The following PTPRD variants were observed in gnomAD, a reference collection of about 807,000 sequenced individuals.
The protein encoded by PTPRD is protein tyrosine phosphatase receptor type D.
In PTPRD, 34 loss-of-function variants were observed where a neutral mutation model predicts 214.5. The ratio of observed to expected loss-of-function variants is 0.16; its 90% confidence interval spans 0.12 to 0.21. The LOEUF (loss-of-function observed/expected upper bound fraction) is 0.21. Among genes scored for constraint, PTPRD ranks in the 10% least tolerant of loss-of-function variants. The pLI, the probability that PTPRD is intolerant of heterozygous loss-of-function variation, is 1.00. For missense variants in PTPRD, 2,545 were observed against 2,398.7 expected (o/e 1.06, Z -1.27); for synonymous variants, 1,128 against 845.7 (o/e 1.33, Z -5.79).
intron 6 of PTPRD, among the ~76,000 whole-genome samples, chr9:9,765,392 A>G (rs1463801620): frequency 6.6e-6 from 1 of 152,172 alleles, no homozygotes; most frequent in Non-Finnish European, 1.5e-5. Context: ...GATAGTATAT[A>G]TGCCTACATT....
At chr9:8,691,550 C>G (rs759471046) in intron 12 of PTPRD, among the ~76,000 whole-genome samples, 4 of 152,126 alleles carry the variant, frequency 2.6e-5, no homozygotes, top group African/African-American at 4.8e-5. Flanking sequence ...TGAAATTTCA[C>G]AAGTCTTTTG....
intron 14 of PTPRD, among the ~76,000 whole-genome samples, chr9:8,577,240 T>C (rs950452765): frequency 1.5e-5 from 1 of 64,876 alleles, no homozygotes; most frequent in African/African-American, 8.6e-5. Flanking sequence ...TTTTTATTTG[T>C]TTGTTTGTTT....
chr9:8,835,310 T>C (rs1248076978), intron 11 of PTPRD, among the ~76,000 whole-genome samples: 1 of 152,188 alleles, frequency 6.6e-6, no homozygotes, highest in Non-Finnish European at 1.5e-5. Context: ...TGGTAGTCTC[T>C]ACAAACACAG....
chr9:9,980,472 G>C (rs1410776709), intron 4 of PTPRD, among the ~76,000 whole-genome samples: 3 of 151,692 alleles, frequency 2.0e-5, no homozygotes, highest in Non-Finnish European at 4.4e-5. Context: ...GCCGGGCATA[G>C]TGGTACATGC....
At chr9:10,098,061 C>T (rs1467325370) in intron 3 of PTPRD, among the ~76,000 whole-genome samples, 3 of 151,648 alleles carry the variant, frequency 2.0e-5, no homozygotes, top group South Asian at 2.1e-4. Flanking sequence ...TATTGCGGCA[C>T]TATTCACAAT....
chr9:9,916,698 G>A (rs948413658), intron 5 of PTPRD, among the ~76,000 whole-genome samples: 1 of 151,864 alleles, frequency 6.6e-6, no homozygotes, highest in Non-Finnish European at 1.5e-5. Flanking sequence ...GAAAAACAAA[G>A]AAACATCAGA....
At chr9:8,450,118 G>C (rs894913326) in intron 33 of PTPRD, among the ~76,000 whole-genome samples, 1 of 152,106 alleles carries the variant, frequency 6.6e-6, no homozygotes, top group Non-Finnish European at 1.5e-5. Context: ...AGGGATCTTG[G>C]TGAGATACGC....
intron 11 of PTPRD, among the ~76,000 whole-genome samples, chr9:8,932,168 C>T (rs1251947685): frequency 1.3e-5 from 2 of 152,076 alleles, no homozygotes; most frequent in East Asian, 1.9e-4. Flanking sequence ...TTCAGTTCTG[C>T]TCTGATCTTA....
At chr9:9,141,151 A>C (rs1437059250) in intron 10 of PTPRD, among the ~76,000 whole-genome samples, 160 of 105,564 alleles carry the variant, frequency 1.5e-3, no homozygotes, top group Middle Eastern at 5.2e-3. Context: ...CTTCTCTCCC[A>C]TCCTCCCCTC....
chr9:9,240,124 G>A lies in PTPRD; in HGVS notation c.-202-56761C>T, dbSNP rs185830126. 9.2e-5 allele frequency among the ~76,000 whole-genome samples: 14 copies of A among 152,140 alleles called. No individual in the cohort carries two copies. The East Asian group carries it at 1.9e-3, about 21-fold the overall frequency. ...TCAATAAGATATAAGTGGAATAAAA[G>A]TTTGTAAGTAAACTTTTCAATAATA... On this transcript the variant is annotated intron_variant, in intron 9 of 45. Transcript: ENST00000381196.
intron 11 of PTPRD, among the ~76,000 whole-genome samples, chr9:8,774,398 C>T (rs1323213091): frequency 1.3e-5 from 2 of 151,870 alleles, no homozygotes; most frequent in African/African-American, 2.4e-5. Context: ...TTAGAGATTA[C>T]AGGAGAGAGC....
chr9:10,306,594 C>T (rs1478752205), intron 3 of PTPRD, among the ~76,000 whole-genome samples: 1 of 151,854 alleles, frequency 6.6e-6, no homozygotes, highest in Non-Finnish European at 1.5e-5. Context: ...GTTTAAGTTC[C>T]CCAAGCAGTT....
chr9:9,680,762 G>A (rs1349158429), intron 7 of PTPRD, among the ~76,000 whole-genome samples: 1 of 150,314 alleles, frequency 6.7e-6, no homozygotes, highest in Non-Finnish European at 1.5e-5. Flanking sequence ...AACTAACAGA[G>A]GAAGAGGAGA....
chr9:8,354,315 A>G (rs1451013478), intron 39 of PTPRD, among the ~76,000 whole-genome samples: 3 of 152,154 alleles, frequency 2.0e-5, no homozygotes, highest in Non-Finnish European at 4.4e-5. Context: ...AAACAGAAAA[A>G]CTTTATGTAA....
rs1419802662 is a variant in PTPRD at position 10,610,241 on chromosome 9, T to A, written c.-600+2157A>T. On this transcript the variant is annotated intron_variant, in intron 2 of 45. Coordinates refer to ENST00000381196, the MANE Select transcript of PTPRD (RefSeq NM_002839.4). ...TATAGAGACAGGGATCAAATGCATGTGCAAGCTTTACTAGAAACAGCTTTC... is the reference window on the plus strand; with the variant it reads ...TATAGAGACAGGGATCAAATGCATGAGCAAGCTTTACTAGAAACAGCTTTC... Among the ~76,000 whole-genome samples, 4 of 152,162 alleles carry A rather than the reference T, an allele frequency of 2.6e-5. No homozygotes were observed. In the East Asian group the frequency reaches 7.7e-4, roughly 29 times the overall value.
At chr9:8,952,305 A>G (rs1338973798) in intron 11 of PTPRD, among the ~76,000 whole-genome samples, 1 of 152,038 alleles carries the variant, frequency 6.6e-6, no homozygotes, top group East Asian at 1.9e-4. Context: ...TGGAACACAC[A>G]GATAAAAATT....
intron 11 of PTPRD, among the ~76,000 whole-genome samples, chr9:8,831,021 C>A (rs886607001): frequency 1.3e-5 from 2 of 152,066 alleles, no homozygotes; most frequent in African/African-American, 2.4e-5. Flanking sequence ...TTTTGATGAT[C>A]CAGCTTCACC....
At chr9:8,518,570 T>C in intron 20 of PTPRD, 141 bp from the exon 21 acceptor site, 1 of 653,450 alleles carries the variant, frequency 1.5e-6, no homozygotes, top group African/African-American at 1.8e-5. Context: ...AAGAGTAGTT[T>C]TCTGAATGGC....
At chr9:10,494,890 T>C (rs2132902243) in intron 2 of PTPRD, among the ~76,000 whole-genome samples, 1 of 151,734 alleles carries the variant, frequency 6.6e-6, no homozygotes, top group East Asian at 1.9e-4. Flanking sequence ...TTGTAAAAAT[T>C]CTAGAAGATG....
Sources: gnomAD v4.1 joint callset for allele counts (sites outside exome capture counted in the v4.1 genomes callset) on GRCh38, gnomAD v4.1.1 for gene constraint, MANE v1.5 for transcripts, NCBI Gene and HGNC (gene_info 2026-07-23, HGNC 2026-07-21) for gene names.